The following FHIT variants were observed in gnomAD, a reference collection of about 807,000 sequenced individuals.
FHIT encodes the protein bis(5'-adenosyl)-triphosphatase.
In FHIT, 19 loss-of-function variants were observed where a neutral mutation model predicts 17.9. The observed-to-expected ratio is 1.06, with a 90% CI of 0.74 to 1.56. FHIT has a LOEUF of 1.56. Ranked by LOEUF, FHIT falls within the 40% of genes most tolerant of loss-of-function variation. The pLI is 0.00. For missense variants in FHIT, 248 were observed against 189.2 expected, an observed-to-expected ratio of 1.31 and a Z score of -1.82; for synonymous variants, 81 against 69.7, an observed-to-expected ratio of 1.16 and a Z score of -0.81.
intron 5 of FHIT, among the ~76,000 whole-genome samples, chr3:60,409,292 C>G (rs947137712): frequency 6.6e-6 from 1 of 152,056 alleles, no homozygotes; most frequent in Non-Finnish European, 1.5e-5. Flanking sequence ...AACATAAATC[C>G]TGGAGTAATC....
intron 4 of FHIT, among the ~76,000 whole-genome samples, chr3:60,543,907 C>CTTTTTTTTGTTTTTTTTT (rs2036270722): frequency 1.9e-5 from 1 of 52,076 alleles, no homozygotes; most frequent in Non-Finnish European, 3.0e-5. Context: ...CCACGCCCGG[C>CTTTTTTTTGTTTTTTTTT]TTTTTTTTTT....
intron 2 of FHIT, among the ~76,000 whole-genome samples, chr3:61,046,404 T>C (rs1365466343): frequency 6.6e-6 from 1 of 152,110 alleles, no homozygotes; most frequent in East Asian, 1.9e-4. Flanking sequence ...AATGGATAAA[T>C]TCCTAGACAC....
At chr3:59,909,812 A>G (rs1364140140) in intron 8 of FHIT, among the ~76,000 whole-genome samples, 1 of 152,226 alleles carries the variant, frequency 6.6e-6, no homozygotes, top group African/African-American at 2.4e-5. Context: ...GTCTGCTCTT[A>G]AAAAGTGACC....
chr3:61,155,395 T>C (rs1202986208), intron 2 of FHIT, among the ~76,000 whole-genome samples: 1 of 151,552 alleles, frequency 6.6e-6, no homozygotes, highest in Non-Finnish European at 1.5e-5. Flanking sequence ...CTGAATCAAA[T>C]AGAACAGAAA....
chr3:61,065,036 G>A (rs1004693575), intron 2 of FHIT, among the ~76,000 whole-genome samples: 2 of 151,974 alleles, frequency 1.3e-5, no homozygotes, highest in Admixed American at 6.6e-5. Flanking sequence ...GAGTGTCCTG[G>A]GGCATAATTC....
At chr3:60,916,178 G>A (rs1553767053) in intron 3 of FHIT, among the ~76,000 whole-genome samples, 2 of 152,084 alleles carry the variant, frequency 1.3e-5, no homozygotes, top group East Asian at 3.8e-4. Flanking sequence ...CACTTAAGCT[G>A]TTTTTAATCA....
chr3:60,167,052 T>C (rs1028401051), intron 5 of FHIT, among the ~76,000 whole-genome samples: 3 of 152,156 alleles, frequency 2.0e-5, no homozygotes, highest in African/African-American at 7.2e-5. Flanking sequence ...CCCTCGACAC[T>C]ACCCAGTTAT....
chr3:60,516,955 T>G (rs1346583428), intron 5 of FHIT, among the ~76,000 whole-genome samples: 2 of 152,184 alleles, frequency 1.3e-5, no homozygotes, highest in Non-Finnish European at 2.9e-5. Context: ...ACATAATCAT[T>G]TGAATCTCTA....
intron 5 of FHIT, among the ~76,000 whole-genome samples, chr3:60,014,906 A>G (rs1016391562): frequency 6.6e-6 from 1 of 152,236 alleles, no homozygotes; most frequent in African/African-American, 2.4e-5. Flanking sequence ...GCAACATATA[A>G]GATCTGAGAA....
intron 2 of FHIT, among the ~76,000 whole-genome samples, chr3:61,132,247 T>G (rs2036785246): frequency 6.6e-6 from 1 of 152,222 alleles, no homozygotes. Context: ...GCCACCCACA[T>G]GTCTTAGTTG....
intron 8 of FHIT, among the ~76,000 whole-genome samples, chr3:59,852,139 GC>G (rs1701966375): frequency 1.3e-5 from 2 of 152,270 alleles, no homozygotes; most frequent in South Asian, 4.1e-4. Flanking sequence ...TCTCCACCCA[GC>G]CACATTCCAT....
chr3:61,219,836 C>T (rs1021376032), intron 1 of FHIT, among the ~76,000 whole-genome samples: 4 of 152,150 alleles, frequency 2.6e-5, no homozygotes, highest in Admixed American at 1.3e-4. Flanking sequence ...AACCCCAGCT[C>T]CCTTAAAAAT....
At chr3:61,051,261 T>TTGTC (rs1193225167) in intron 2 of FHIT, among the ~76,000 whole-genome samples, 1 of 151,476 alleles carries the variant, frequency 6.6e-6, no homozygotes, top group African/African-American at 2.4e-5. Context: ...GTTTGTTTGT[T>TTGTC]TGTTTGTTTG....
At position 60,688,765 on chromosome 3, in the gene FHIT, G is replaced by T. The variant is rs886667384; in HGVS notation, c.-18+133154C>A. ...ATTATCTAATTTTTCTTCCACTGGGGGACTTTATACTATTTATTTTTATTG... is the reference window on the plus strand; with the variant it reads ...ATTATCTAATTTTTCTTCCACTGGGTGACTTTATACTATTTATTTTTATTG... On this transcript the variant is annotated intron_variant, in intron 4 of 9. Coordinates refer to ENST00000492590, the MANE Select transcript of FHIT (RefSeq NM_002012.4). Among the ~76,000 whole-genome samples, 3 of 151,958 alleles carry T rather than the reference G, an allele frequency of 2.0e-5. No individual in the cohort carries two copies. The East Asian group carries it at 5.8e-4, about 29-fold the overall frequency.
At chr3:60,923,065 T>C (rs998386996) in intron 3 of FHIT, among the ~76,000 whole-genome samples, 3 of 152,224 alleles carry the variant, frequency 2.0e-5, no homozygotes, top group African/African-American at 7.2e-5. Context: ...GATTTAATAT[T>C]GGGATTCACT....
At chr3:60,577,525 T>A (rs1190809296) in intron 4 of FHIT, among the ~76,000 whole-genome samples, 2 of 152,162 alleles carry the variant, frequency 1.3e-5, no homozygotes, top group African/African-American at 2.4e-5. Flanking sequence ...ACGTAGTCAA[T>A]GGTTCATTTA....
rs557941677 is a variant in FHIT at position 60,900,841 on chromosome 3, G to A, written c.-110-78830C>T. 4.6e-5 allele frequency among the ~76,000 whole-genome samples: 7 copies of A among 152,140 alleles called. No individual in the cohort carries two copies. The South Asian group carries it at 1.0e-3, about 23-fold the overall frequency. On this transcript the variant is annotated intron_variant, in intron 3 of 9. Coordinates refer to ENST00000492590, the MANE Select transcript of FHIT (RefSeq NM_002012.4). ...CGCCCAGGCTGGAGTGCAGTCGTGC[G>A]ATCTCAGCTCACCACAACCTCCACC...
chr3:61,109,766 A>C (rs2036099401), intron 2 of FHIT, among the ~76,000 whole-genome samples: 1 of 152,172 alleles, frequency 6.6e-6, no homozygotes, highest in African/African-American at 2.4e-5. Context: ...TTAGTCTTTC[A>C]CACAAACACA....
intron 5 of FHIT, among the ~76,000 whole-genome samples, chr3:60,531,204 CT>C (rs2035765208): frequency 1.3e-5 from 2 of 151,030 alleles, no homozygotes; most frequent in African/African-American, 2.4e-5. Flanking sequence ...AAAAACCTAT[CT>C]TTAGCTATAA....
Sources: gnomAD v4.1 joint callset for allele counts (sites outside exome capture counted in the v4.1 genomes callset) on GRCh38, gnomAD v4.1.1 for gene constraint, MANE v1.5 for transcripts, NCBI Gene and HGNC (gene_info 2026-07-23, HGNC 2026-07-21) for gene names.